The following CWC27 variants were observed in gnomAD, a reference collection of about 807,000 sequenced individuals.
The protein encoded by CWC27 is CWC27 spliceosome associated cyclophilin.
CWC27 carries 47 observed loss-of-function variants against 63.6 expected under a neutral mutation model. The ratio of observed to expected loss-of-function variants is 0.74; its 90% CI spans 0.58 to 0.94. CWC27 has a LOEUF of 0.94. Among genes scored for constraint, CWC27 ranks in the 40% least tolerant of loss-of-function variants. The pLI is 0.00. For missense variants in CWC27, 495 were observed against 554.3 expected (o/e 0.89, Z 1.07); for synonymous variants, 175 against 179.8 (o/e 0.97, Z 0.22).
chr5:64,776,068 CGAGAGAGA>C (rs70983650), intron 2 of CWC27, among the ~76,000 whole-genome samples: 10,728 of 108,208 alleles, frequency 0.099, 501 homozygotes, highest in Admixed American at 0.14. Flanking sequence ...AGGAGTGGAG[CGAGAGAGA>C]GAGAGAGAGA....
At chr5:64,829,530 G>A (rs142339192) in intron 10 of CWC27, among the ~76,000 whole-genome samples, 21 of 151,852 alleles carry the variant, frequency 1.4e-4, no homozygotes, top group South Asian at 4.1e-4. Context: ...ATGGAATACC[G>A]TTAGAACTAC....
chr5:64,900,394 T>G (rs189845234), intron 11 of CWC27, among the ~76,000 whole-genome samples: 26 of 152,338 alleles, frequency 1.7e-4, no homozygotes, highest in African/African-American at 6.0e-4. Flanking sequence ...TTTTATCCAT[T>G]TTTTATTGTG....
chr5:64,783,462 T>C lies in CWC27; in HGVS notation c.253-374T>C, dbSNP rs191554676. ...AGAATGAGATGGGAAGGAGTAATAA[T>C]TGAATACTCTGCAATGGCTCAAAGG... On this transcript the variant is annotated intron_variant, in intron 3 of 13. Coordinates refer to ENST00000381070, the MANE Select transcript of CWC27 (RefSeq NM_005869.4). 2.8e-3 allele frequency among the ~76,000 whole-genome samples: 431 copies of C among 152,336 alleles called. 1 individual carries two copies. The highest frequency in any genetic ancestry group is 0.014 in the Middle Eastern group (4 of 294).
chr5:64,919,471 T>A (rs1747955077), intron 11 of CWC27, among the ~76,000 whole-genome samples: 1 of 152,206 alleles, frequency 6.6e-6, no homozygotes, highest in Admixed American at 6.5e-5. Flanking sequence ...GTGAGCATAG[T>A]ACCCTATAGG....
rs946090747 is a variant in CWC27, at chr5:64,971,867, A to G, written c.1152+55A>G. 4.1e-5 allele frequency: 49 copies of G among 1,181,196 alleles called. No individual in the cohort carries two copies. The highest frequency in any genetic ancestry group is 5.6e-5 in the Non-Finnish European group (47 of 832,370). 73.2% of individuals were successfully genotyped at this position (1,181,196 alleles called of 1,614,324 possible). ...ACTTATTGTCTTTTTATTGTTTTTA[A>G]GTGTTTCTAAATGGAGCCTAATTTG... On this transcript the variant is annotated intron_variant, in intron 12 of 13. Coordinates refer to ENST00000381070, the MANE Select transcript of CWC27 (RefSeq NM_005869.4).
At chr5:64,770,155 T>C (rs1411762455) in intron 1 of CWC27, among the ~76,000 whole-genome samples, 3 of 152,338 alleles carry the variant, frequency 2.0e-5, no homozygotes, top group Non-Finnish European at 2.9e-5. Flanking sequence ...CATTTGATAA[T>C]GTAATGAGAG....
intron 11 of CWC27, among the ~76,000 whole-genome samples, chr5:64,915,079 G>T (rs1017397185): frequency 6.6e-6 from 1 of 152,136 alleles, no homozygotes; most frequent in Non-Finnish European, 1.5e-5. Flanking sequence ...TTGGGTTTGG[G>T]TTTTGTGTTT....
chr5:64,776,243 A>G (rs1485081875), intron 2 of CWC27, among the ~76,000 whole-genome samples: 1 of 152,176 alleles, frequency 6.6e-6, no homozygotes, highest in Non-Finnish European at 1.5e-5. Context: ...GTTGAGAAAC[A>G]CAGGAGACAT....
At chr5:64,877,633 G>T (rs182252486) in intron 10 of CWC27, among the ~76,000 whole-genome samples, 2 of 151,868 alleles carry the variant, frequency 1.3e-5, no homozygotes, top group African/African-American at 4.8e-5. Flanking sequence ...TTACCATTAC[G>T]TATTCTATAG....
intron 11 of CWC27, among the ~76,000 whole-genome samples, chr5:64,902,997 C>T (rs935064589): frequency 3.9e-5 from 6 of 152,032 alleles, no homozygotes; most frequent in South Asian, 2.1e-4. Flanking sequence ...TATTGTCTTT[C>T]GTAATTGATA....
intron 11 of CWC27, among the ~76,000 whole-genome samples, chr5:64,964,588 A>G (rs576554523): frequency 1.3e-5 from 2 of 152,248 alleles, no homozygotes; most frequent in Non-Finnish European, 2.9e-5. Flanking sequence ...ACAAAGAAGC[A>G]TTAAGTTGCC....
At chr5:64,937,004 G>A (rs976070114) in intron 11 of CWC27, among the ~76,000 whole-genome samples, 1 of 151,564 alleles carries the variant, frequency 6.6e-6, no homozygotes, top group African/African-American at 2.4e-5. Flanking sequence ...TTCTTTATTA[G>A]TCTGGCTAGT....
chr5:64,843,219 T>A (rs1745891190), intron 10 of CWC27, among the ~76,000 whole-genome samples: 1 of 152,240 alleles, frequency 6.6e-6, no homozygotes, highest in Non-Finnish European at 1.5e-5. Flanking sequence ...ACTCTGAGAT[T>A]TTCTAAGATT....
At chr5:64,811,306 G>C (rs1289782522) in intron 10 of CWC27, among the ~76,000 whole-genome samples, 1 of 151,962 alleles carries the variant, frequency 6.6e-6, no homozygotes, top group East Asian at 1.9e-4. Context: ...TCTGTATATT[G>C]ATACATAATA....
At chr5:64,886,129 AAAATAAC>A (rs1747068176) in intron 11 of CWC27, among the ~76,000 whole-genome samples, 1 of 152,158 alleles carries the variant, frequency 6.6e-6, no homozygotes, top group South Asian at 2.1e-4. Flanking sequence ...AAAGCTGATC[AAAATAAC>A]ATCTTGCTGT....
chr5:64,825,074 G>A (rs897093249), intron 10 of CWC27, among the ~76,000 whole-genome samples: 1 of 152,044 alleles, frequency 6.6e-6, no homozygotes, highest in African/African-American at 2.4e-5. Flanking sequence ...GCCTCTCAAG[G>A]TAGCCTGTGG....
intron 10 of CWC27, among the ~76,000 whole-genome samples, chr5:64,813,127 T>TGAG: frequency 6.6e-6 from 1 of 152,224 alleles, no homozygotes; most frequent in East Asian, 1.9e-4. Context: ...CAATGTAGAC[T>TGAG]AGGTGGTTTG....
At chr5:64,885,372 G>A in intron 10 of CWC27, 71 bp from the exon 11 acceptor site, 1 of 1,017,794 alleles carries the variant, frequency 9.8e-7, no homozygotes, top group Non-Finnish European at 1.4e-6. Context: ...GTATACCAAT[G>A]ATTCTGTTTT....
intron 10 of CWC27, chr5:64,807,515 C>T (rs1744724783): frequency 1.4e-6 from 2 of 1,433,026 alleles, no homozygotes; most frequent in Non-Finnish European, 1.8e-6. Flanking sequence ...GAATCGGCAC[C>T]CTTATATCTA....
Sources: allele counts gnomAD v4.1 joint callset (sites outside exome capture counted in the v4.1 genomes callset), GRCh38; gene constraint gnomAD v4.1.1; transcripts MANE v1.5; gene names NCBI Gene and HGNC (gene_info 2026-07-23, HGNC 2026-07-21).